CCNB3: variants seen among roughly 807,000 people sequenced by gnomAD.
CCNB3 encodes the protein G2/mitotic-specific cyclin-B3.
A neutral mutation model predicts 68.0 loss-of-function variants in CCNB3; 12 were observed. The observed-to-expected ratio is 0.18, with a 90% CI of 0.11 to 0.29. The LOEUF (loss-of-function observed/expected upper bound fraction) is 0.29, where lower values mean the gene tolerates loss of function less well. Among genes scored for constraint, CCNB3 ranks in the 10% least tolerant of loss-of-function variants. The pLI is 1.00. For missense variants in CCNB3, 904 were observed against 993.1 expected (o/e 0.91, Z 1.21); for synonymous variants, 354 against 388.9 (o/e 0.91, Z 1.06).
At chrX:50,338,504 C>A (rs1922968222) in intron 8 of CCNB3, among the ~76,000 whole-genome samples, 1 of 111,977 alleles carries the variant, frequency 8.9e-6, no homozygotes, top group African/African-American at 3.2e-5. Flanking sequence ...TGGAACAGAA[C>A]AGGACAGGGA....
At chrX:50,283,364 G>T (rs1014549916) in intron 1 of CCNB3, among the ~76,000 whole-genome samples, 1 of 111,451 alleles carries the variant, frequency 9.0e-6, no homozygotes, top group Non-Finnish European at 1.9e-5. Flanking sequence ...TTAATAGTTT[G>T]TCCTGGGTAG....
intron 11 of CCNB3, among the ~76,000 whole-genome samples, chrX:50,348,733 G>T (rs1158508327): frequency 1.4e-4 from 16 of 112,641 alleles, no homozygotes; most frequent in African/African-American, 5.2e-4. Flanking sequence ...TTGCAGATAA[G>T]AAATAACTCC....
intron 4 of CCNB3, among the ~76,000 whole-genome samples, chrX:50,293,642 A>G (rs1057336561): frequency 1.8e-5 from 2 of 111,653 alleles, no homozygotes; most frequent in African/African-American, 6.5e-5. Context: ...AAGAACATCA[A>G]CACATTTACT....
At position 50,347,654 on chromosome X, in the gene CCNB3, C is replaced by A; in HGVS notation, c.3839C>A (p.Thr1280Asn). The A allele has an allele frequency of 5.8e-6, 7 of 1,210,446 alleles. No individual in the cohort carries two copies. The highest frequency in any genetic ancestry group is 7.8e-6 in the Non-Finnish European group (7 of 895,028). Residue 1280 changes from threonine (T) to asparagine (N), a missense_variant, in exon 11 of 13, where the codon ACC (threonine) becomes AAC (asparagine). Physicochemically the swap from Thr to Asn is moderately conservative, Grantham distance 65. Around this residue, in one of 2 missense-constraint regions of CCNB3, gnomAD observed 285 missense variants for 383.4 expected, o/e 0.74. Coordinates refer to ENST00000376042, the MANE Select transcript of CCNB3 (RefSeq NM_033031.3). ...RCIHTNMKTL[T>N]LSRYICEMTL... ...ATCCACACCAACATGAAGACACTGA[C>A]CTTGTCCCGCTACATCTGCGAGATG...
rs1234913503 is a variant in CCNB3 at position 50,309,106 on chromosome X, A to G, written c.937A>G (p.Met313Val). Residue 313 changes from methionine to valine, a missense_variant, in exon 6 of 13, where the codon ATG becomes GTG. Physicochemically the swap from Met to Val is conservative, Grantham distance 21. Around this residue, in one of 2 missense-constraint regions of CCNB3, gnomAD observed 619 missense variants for 609.8 expected, o/e 1.02. Coordinates refer to ENST00000376042, the MANE Select transcript of CCNB3 (RefSeq NM_033031.3). ...ATTGCAGACAACCATCTGTGGAGCA[A>G]TGTCCTCCATTAAGAAGCCTACCAC... ...PVLQTTICGA[M>V]SSIKKPTTEK... is the part of the protein sequence containing the mutation. 9 of 1,209,696 alleles carry G rather than the reference A, an allele frequency of 7.4e-6. No homozygotes were observed. In the Admixed American group the frequency reaches 8.7e-5, roughly 12 times the overall value.
chrX:50,310,101 G>C lies in CCNB3; in HGVS notation c.1932G>C (p.Glu644Asp), dbSNP rs370387578. The change falls in exon 6 of 13, where the codon GAG (glutamate) becomes GAC (aspartate). Residue 644 changes from glutamate to aspartate, a missense_variant. Glu to Asp is a conservative substitution (Grantham distance 45, BLOSUM62 2). Around this residue, in one of 2 missense-constraint regions of CCNB3, gnomAD observed 619 missense variants for 609.8 expected, o/e 1.02. Coordinates refer to ENST00000376042, the MANE Select transcript of CCNB3 (RefSeq NM_033031.3). ...FLSQEPSALK[E>D]KHTTLQEVSL... is the part of the protein sequence containing the mutation. ...CCCAGGAACCATCTGCATTGAAAGA[G>C]AAGCATACCACCTTGCAGGAAGTGT... is the stretch of plus-strand genomic sequence containing the variant. 6.4e-5 allele frequency: 77 copies of C among 1,209,993 alleles called. No homozygotes were observed. The highest frequency in any genetic ancestry group is 3.1e-4 in the Admixed American group (14 of 45,800).
intron 1 of CCNB3, among the ~76,000 whole-genome samples, chrX:50,219,953 G>C (rs1010612669): frequency 2.7e-5 from 3 of 111,097 alleles, no homozygotes; most frequent in Non-Finnish European, 5.7e-5. Context: ...TCCTTAAGCA[G>C]TGGTTTGTAG....
chrX:50,334,893 C>T (rs150851922), intron 8 of CCNB3, among the ~76,000 whole-genome samples: 42 of 112,060 alleles, frequency 3.7e-4, no homozygotes, highest in African/African-American at 8.4e-4. Flanking sequence ...TTTTAGGTTC[C>T]GGTAGGCTGC....
intron 5 of CCNB3, among the ~76,000 whole-genome samples, chrX:50,305,799 C>T (rs1178279235): frequency 1.1e-3 from 71 of 63,667 alleles, no homozygotes; most frequent in African/African-American, 3.8e-3. Context: ...TTTTTTTTGA[C>T]GGAGTCTTGC....
chrX:50,227,676 A>G (rs990206259), intron 1 of CCNB3, among the ~76,000 whole-genome samples: 1 of 95,573 alleles, frequency 1.0e-5, no homozygotes, highest in Non-Finnish European at 2.0e-5. Context: ...ATATAGAGAG[A>G]ATATATATAT....
chrX:50,335,083 C>G (rs1308644558), intron 8 of CCNB3, among the ~76,000 whole-genome samples: 2 of 111,808 alleles, frequency 1.8e-5, no homozygotes, highest in African/African-American at 6.5e-5. Flanking sequence ...TGTGGAGTGT[C>G]CCAGCAGAAG....
chrX:50,289,151 G>C (rs1936300912), intron 4 of CCNB3, among the ~76,000 whole-genome samples: 1 of 111,925 alleles, frequency 8.9e-6, no homozygotes, highest in Non-Finnish European at 1.9e-5. Context: ...ATGGAATTTT[G>C]CATTTAGATA....
chrX:50,324,429 A>T (rs1328606913), intron 8 of CCNB3, among the ~76,000 whole-genome samples: 1 of 112,131 alleles, frequency 8.9e-6, no homozygotes, highest in Non-Finnish European at 1.9e-5. Flanking sequence ...ATCATTTTAT[A>T]ACCCTTTATA....
At chrX:50,279,193 A>G (rs1329901119) in intron 1 of CCNB3, among the ~76,000 whole-genome samples, 1 of 4,227 alleles carries the variant, frequency 2.4e-4, no homozygotes, top group Non-Finnish European at 8.1e-4. Flanking sequence ...TATATTCTCT[A>G]TATATAAATA....
chrX:50,318,610 A>G (rs1921864699), intron 8 of CCNB3, among the ~76,000 whole-genome samples: 1 of 112,267 alleles, frequency 8.9e-6, no homozygotes, highest in Admixed American at 9.5e-5. Flanking sequence ...TTATATCTTA[A>G]AAATATTTCT....
At chrX:50,347,498 C>T in intron 10 of CCNB3, 128 bp from the exon 11 acceptor site, 3 of 574,500 alleles carry the variant, frequency 5.2e-6, no homozygotes, top group Non-Finnish European at 8.3e-6. Flanking sequence ...GTTACGGTTG[C>T]AGGAGAAAGG....
chrX:50,330,592 G>A (rs1922548013), intron 8 of CCNB3, among the ~76,000 whole-genome samples: 1 of 112,005 alleles, frequency 8.9e-6, no homozygotes, highest in South Asian at 3.8e-4. Flanking sequence ...GTGAACTAAG[G>A]TAGCGATGAA....
At chrX:50,328,861 C>T (rs781849603) in intron 8 of CCNB3, among the ~76,000 whole-genome samples, 4 of 112,450 alleles carry the variant, frequency 3.6e-5, no homozygotes, top group East Asian at 5.6e-4. Context: ...GGAGAATGAA[C>T]GAAAGGGGCT....
In CCNB3 at chrX:50,309,889, C is replaced by T. The variant is rs1251723068; in HGVS notation, c.1720C>T (p.Pro574Ser). The change falls in exon 6 of 13, where the codon CCT becomes TCT. Residue 574 changes from proline to serine, a missense_variant. Physicochemically the swap from Pro to Ser is moderately conservative, Grantham distance 74. Around this residue, in one of 2 missense-constraint regions of CCNB3, gnomAD observed 619 missense variants for 609.8 expected, o/e 1.02. Transcript: ENST00000376042. The stretch of plus-strand genomic sequence containing the variant: ...GGAGCCAATGTCATTTAGGAAGAAC[C>T]CTACAACTGAGGAGACAGTACTTAC... Reference protein sequence around the residue: ...FMEPMSFRKNPTTEETVLTKT... With the variant: ...FMEPMSFRKNSTTEETVLTKT... 12 of 1,208,645 alleles carry T rather than the reference C, an allele frequency of 9.9e-6. No homozygotes were observed. The highest frequency in any genetic ancestry group is 1.3e-5 in the Non-Finnish European group (12 of 894,485).
Sources: gnomAD v4.1 joint callset for allele counts (sites outside exome capture counted in the v4.1 genomes callset) on GRCh38, gnomAD v4.1.1 for gene constraint, gnomAD v4.1.1 regional missense constraint, MANE v1.5 for transcripts, NCBI Gene and HGNC (gene_info 2026-07-23, HGNC 2026-07-21) for gene names.